CHST11: variants seen among roughly 807,000 people sequenced by gnomAD.
The protein encoded by CHST11 is C4S-1.
CHST11 carries 9 observed loss-of-function variants against 30.4 expected under a neutral mutation model. The observed-to-expected ratio is 0.30, with a 90% CI of 0.18 to 0.52. The LOEUF is 0.52. Ranked by LOEUF, CHST11 falls within the 20% of genes least tolerant of loss-of-function variation. The pLI is 0.97. For missense variants in CHST11, 348 were observed against 460.6 expected, an observed-to-expected ratio of 0.76 and a Z score of 2.24; for synonymous variants, 152 against 187.8, an observed-to-expected ratio of 0.81 and a Z score of 1.56.
chr12:104,568,349 A>C (rs957625596), intron 1 of CHST11, among the ~76,000 whole-genome samples: 16 of 152,186 alleles, frequency 1.1e-4, no homozygotes, highest in Non-Finnish European at 2.1e-4. Context: ...CTGTCCTTGC[A>C]ACAGCTCCTC....
intron 2 of CHST11, among the ~76,000 whole-genome samples, chr12:104,668,845 G>C (rs1268106491): frequency 6.6e-6 from 1 of 152,172 alleles, no homozygotes; most frequent in Non-Finnish European, 1.5e-5. Flanking sequence ...TTTCCTGTAA[G>C]AACACAGAGA....
At chr12:104,484,992 T>C (rs1220816359) in intron 1 of CHST11, among the ~76,000 whole-genome samples, 1 of 152,176 alleles carries the variant, frequency 6.6e-6, no homozygotes, top group Non-Finnish European at 1.5e-5. Context: ...TTCTCTGGAC[T>C]GTCTATTTCA....
intron 1 of CHST11, among the ~76,000 whole-genome samples, chr12:104,512,967 G>T (rs10861229): frequency 0.26 from 39,055 of 151,826 alleles, 6,246 homozygotes; most frequent in African/African-American, 0.45. Context: ...CAAAAGCATT[G>T]TGGGAATAGG....
At chr12:104,592,072 A>G (rs1046394703) in intron 1 of CHST11, among the ~76,000 whole-genome samples, 1 of 151,288 alleles carries the variant, frequency 6.6e-6, no homozygotes, top group African/African-American at 2.4e-5. Flanking sequence ...TTAATCTTTT[A>G]ATACCTGGCA....
chr12:104,634,346 T>C (rs2039302367), intron 2 of CHST11, among the ~76,000 whole-genome samples: 1 of 152,138 alleles, frequency 6.6e-6, no homozygotes, highest in Non-Finnish European at 1.5e-5. Flanking sequence ...TGCATCTTCC[T>C]TGGGAATCCA....
At chr12:104,637,245 A>G (rs1162836586) in intron 2 of CHST11, among the ~76,000 whole-genome samples, 1 of 140,720 alleles carries the variant, frequency 7.1e-6, no homozygotes, top group African/African-American at 2.7e-5. Context: ...TTGAGGCTGC[A>G]GTGAGCTGTG....
chr12:104,501,960 C>T (rs2037857186), intron 1 of CHST11, among the ~76,000 whole-genome samples: 1 of 152,182 alleles, frequency 6.6e-6, no homozygotes, highest in Non-Finnish European at 1.5e-5. Flanking sequence ...CTTTCCCTAG[C>T]AGCACATGAG....
intron 2 of CHST11, among the ~76,000 whole-genome samples, chr12:104,607,398 T>G (rs1184406468): frequency 4.6e-5 from 7 of 152,184 alleles, no homozygotes; most frequent in African/African-American, 1.7e-4. Flanking sequence ...CTATGGACAC[T>G]TGTAGAATAA....
At chr12:104,594,709 C>A (rs2038891475) in intron 1 of CHST11, among the ~76,000 whole-genome samples, 1 of 152,176 alleles carries the variant, frequency 6.6e-6, no homozygotes, top group Admixed American at 6.5e-5. Flanking sequence ...GTAATCCCAG[C>A]ACTCTGGGAG....
At chr12:104,470,851 C>T (rs529925421) in intron 1 of CHST11, among the ~76,000 whole-genome samples, 1 of 152,194 alleles carries the variant, frequency 6.6e-6, no homozygotes. Flanking sequence ...CACTAGTATG[C>T]CCATCTCCAT....
At chr12:104,557,780 C>T (rs561712077) in intron 1 of CHST11, among the ~76,000 whole-genome samples, 16 of 152,234 alleles carry the variant, frequency 1.1e-4, no homozygotes, top group South Asian at 2.1e-4. Flanking sequence ...TCACTGACCG[C>T]GGATTCTTCT....
At chr12:104,619,705 A>T (rs2039142357) in intron 2 of CHST11, among the ~76,000 whole-genome samples, 1 of 152,172 alleles carries the variant, frequency 6.6e-6, no homozygotes, top group Non-Finnish European at 1.5e-5. Context: ...ATTTTGAAGA[A>T]GGCTGTTTAC....
At chr12:104,724,214 C>T (rs2040199832) in intron 2 of CHST11, among the ~76,000 whole-genome samples, 1 of 152,096 alleles carries the variant, frequency 6.6e-6, no homozygotes, top group African/African-American at 2.4e-5. Context: ...TGAAAGAAGC[C>T]AGACACAGAA....
intron 1 of CHST11, among the ~76,000 whole-genome samples, chr12:104,482,863 G>T (rs2037640456): frequency 6.6e-6 from 1 of 152,116 alleles, no homozygotes; most frequent in South Asian, 2.1e-4. Flanking sequence ...CACTTCTTCT[G>T]TCTTTTAGTG....
intron 1 of CHST11, among the ~76,000 whole-genome samples, chr12:104,495,349 C>G (rs1213320294): frequency 6.6e-6 from 1 of 152,016 alleles, no homozygotes; most frequent in Non-Finnish European, 1.5e-5. Flanking sequence ...AGTGGGATTG[C>G]CAGGTTTTGT....
intron 2 of CHST11, among the ~76,000 whole-genome samples, chr12:104,644,695 G>A (rs975344113): frequency 1.3e-5 from 2 of 152,242 alleles, no homozygotes; most frequent in Admixed American, 1.3e-4. Flanking sequence ...GTGCAGCTGG[G>A]GTGGTTCTGT....
chr12:104,690,732 G>A (rs2039889510), intron 2 of CHST11, among the ~76,000 whole-genome samples: 1 of 152,216 alleles, frequency 6.6e-6, no homozygotes, highest in Non-Finnish European at 1.5e-5. Flanking sequence ...GGAAGGCTGA[G>A]GTGGGAGGAT....
At chr12:104,589,691 A>G (rs567585675) in intron 1 of CHST11, among the ~76,000 whole-genome samples, 2 of 152,320 alleles carry the variant, frequency 1.3e-5, no homozygotes, top group Admixed American at 1.3e-4. Context: ...TTCTGGTTTG[A>G]CTACAGAATC....
At chr12:104,592,085 TCCTCC>T (rs1592782746) in intron 1 of CHST11, among the ~76,000 whole-genome samples, 1 of 151,028 alleles carries the variant, frequency 6.6e-6, no homozygotes. Context: ...ACCTGGCACC[TCCTCC>T]CCTCCCCTCC....
Sources: gnomAD v4.1 joint callset for allele counts (sites outside exome capture counted in the v4.1 genomes callset) on GRCh38, gnomAD v4.1.1 for gene constraint, MANE v1.5 for transcripts, NCBI Gene and HGNC (gene_info 2026-07-23, HGNC 2026-07-21) for gene names.